Variants in CYP39A1 observed in about 807,000 individuals in gnomAD.
CYP39A1 encodes the protein 24-hydroxycholesterol 7-alpha-hydroxylase.
In CYP39A1, 49 loss-of-function variants were observed where a neutral mutation model predicts 58.1. The ratio of observed to expected loss-of-function variants is 0.84; its 90% CI spans 0.67 to 1.07. The LOEUF (loss-of-function observed/expected upper bound fraction) is 1.07, where lower values mean the gene tolerates loss of function less well. Ranked by LOEUF, CYP39A1 falls within the 50% of genes least tolerant of loss-of-function variation. The pLI, the probability that CYP39A1 is intolerant of heterozygous loss-of-function variation, is 0.00. For synonymous variants in CYP39A1, 209 were observed against 187.6 expected, an observed-to-expected ratio of 1.11 and a Z score of -0.93; for missense variants, 531 against 539.4, an observed-to-expected ratio of 0.98 and a Z score of 0.16.
In CYP39A1 at chr6:46,625,504, G is replaced by C; in HGVS notation, c.845C>G (p.Ala282Gly). Reference sequence around the variant, plus strand: ...AAGGACGTATGCAAGTGTCCAAAATGCAACCTTAAAAAGAAAAACATATAT... The same window carrying C: ...AAGGACGTATGCAAGTGTCCAAAATCCAACCTTAAAAAGAAAAACATATAT... ...WASLSNAVPV[A>G]FWTLAYVLSH... Residue 282 changes from alanine (A) to glycine (G), a missense_variant, in exon 7 of 12, where the codon GCA becomes GGA. By Grantham distance (60) the Ala-to-Gly change is moderately conservative. Transcript: ENST00000275016. 1 of 1,605,078 alleles carries C rather than the reference G, an allele frequency of 6.2e-7. No individual in the cohort carries two copies. Among genetic ancestry groups the C allele is most frequent in the Non-Finnish European group, 8.5e-7 (1 of 1,175,448 alleles).
rs76426783 is a variant in CYP39A1 at position 46,559,673 on chromosome 6, C to T, written c.1251-5819G>A. On this transcript the variant is annotated intron_variant, in intron 10 of 11. Coordinates refer to ENST00000275016, the MANE Select transcript of CYP39A1 (RefSeq NM_016593.5). ...ATTTTCAGTGCTGTGGGTGGTAGCACGTGGAGGAGCTGGGAGCTCAGCAAA... is the reference window on the plus strand; with the variant it reads ...ATTTTCAGTGCTGTGGGTGGTAGCATGTGGAGGAGCTGGGAGCTCAGCAAA... 7.6e-3 allele frequency among the ~76,000 whole-genome samples: 1,156 copies of T among 152,144 alleles called. 16 individuals carry two copies. Among genetic ancestry groups the T allele is most frequent in the African/African-American group, 0.026 (1,076 of 41,512 alleles).
At position 46,634,267 on chromosome 6, in the gene CYP39A1, G is replaced by A. The variant is rs148263342; in HGVS notation, c.732+2122C>T. ...TCTCCTTTTGCCTGCCACCATCCAT[G>A]TAAGATGTTACTTGATCCTCCTTGC... On this transcript the variant is annotated intron_variant, in intron 5 of 11. Coordinates refer to ENST00000275016, the MANE Select transcript of CYP39A1 (RefSeq NM_016593.5). Among the ~76,000 whole-genome samples the A allele has an allele frequency of 1.3e-3, 199 of 152,256 alleles. 1 individual carries two copies. The highest frequency in any genetic ancestry group is 4.6e-3 in the African/African-American group (191 of 41,546).
chr6:46,596,908 A>C (rs1301383565), intron 7 of CYP39A1, among the ~76,000 whole-genome samples: 1 of 152,138 alleles, frequency 6.6e-6, no homozygotes, highest in African/African-American at 2.4e-5. Context: ...TTTTGACAGT[A>C]TTTGCTTAAG....
In CYP39A1 at chr6:46,625,446, T is replaced by C. The variant is rs780493348; in HGVS notation, c.903A>G (p.Glu301=). 1 of 1,610,982 alleles carries C rather than the reference T, an allele frequency of 6.2e-7. No homozygotes were observed. Among genetic ancestry groups the C allele is most frequent in the Non-Finnish European group, 8.5e-7 (1 of 1,178,296 alleles). The part of the protein sequence containing the change: ...SHPDIHKAIM[E]GISSVFGKAG... ...CTTTGCCAAACACAGAAGATATGCC[T>C]TCCATAATGGCCTTGTGGATATCAG... is the stretch of plus-strand genomic sequence containing the variant. Residue 301 remains glutamate, a synonymous_variant, in exon 7 of 12, where the codon GAA becomes GAG. Transcript: ENST00000275016.
At chr6:46,593,234 G>A (rs778701411) in intron 8 of CYP39A1, among the ~76,000 whole-genome samples, 2 of 152,128 alleles carry the variant, frequency 1.3e-5, no homozygotes, top group Non-Finnish European at 2.9e-5. Context: ...TATTGTGCAT[G>A]CAAGAGTATA....
chr6:46,632,643 T>C (rs1582443647), intron 5 of CYP39A1, among the ~76,000 whole-genome samples: 1 of 152,142 alleles, frequency 6.6e-6, no homozygotes, highest in African/African-American at 2.4e-5. Flanking sequence ...GGGTCCAGTG[T>C]CTGTGGTTCC....
intron 10 of CYP39A1, among the ~76,000 whole-genome samples, chr6:46,556,237 G>A (rs139728848): frequency 1.6e-3 from 245 of 152,284 alleles, no homozygotes; most frequent in African/African-American, 5.7e-3. Flanking sequence ...TGATTGCTTC[G>A]GTTTCCTGCT....
intron 10 of CYP39A1, among the ~76,000 whole-genome samples, chr6:46,555,292 C>T (rs1770617026): frequency 6.6e-6 from 1 of 152,196 alleles, no homozygotes; most frequent in South Asian, 2.1e-4. Context: ...GATAACTGTC[C>T]TCCAGGCTGT....
intron 7 of CYP39A1, among the ~76,000 whole-genome samples, chr6:46,600,086 G>A (rs1007532448): frequency 6.6e-6 from 1 of 151,816 alleles, no homozygotes; most frequent in East Asian, 1.9e-4. Context: ...GCATCTTTTG[G>A]TATTCATACA....
intron 10 of CYP39A1, among the ~76,000 whole-genome samples, chr6:46,578,749 C>T (rs2150501003): frequency 6.6e-6 from 1 of 152,022 alleles, no homozygotes; most frequent in East Asian, 1.9e-4. Flanking sequence ...CAGGAAGAAA[C>T]TGAAATCCTG....
intron 7 of CYP39A1, among the ~76,000 whole-genome samples, chr6:46,611,011 A>G (rs980699683): frequency 3.3e-5 from 5 of 152,188 alleles, no homozygotes; most frequent in African/African-American, 9.7e-5. Flanking sequence ...AAAGCAAATA[A>G]TAAGCCTAGA....
At chr6:46,583,132 G>C in intron 10 of CYP39A1, 1 of 985,266 alleles carries the variant, frequency 1.0e-6, no homozygotes, top group Non-Finnish European at 1.2e-6. Flanking sequence ...CTATTCCTGA[G>C]GAATCCATGC....
chr6:46,592,075 G>A (rs1772869775), intron 8 of CYP39A1, among the ~76,000 whole-genome samples: 1 of 152,102 alleles, frequency 6.6e-6, no homozygotes, highest in Non-Finnish European at 1.5e-5. Flanking sequence ...AACACAGGTA[G>A]AAGTTTCAGA....
chr6:46,553,901 A>C (rs1369730456), intron 10 of CYP39A1, 47 bp from the exon 11 acceptor site: 3 of 1,194,162 alleles, frequency 2.5e-6, no homozygotes, highest in Non-Finnish European at 3.7e-6. Context: ...AAGATGTATA[A>C]ATATCTGCCA....
At chr6:46,609,233 G>A (rs1774051143) in intron 7 of CYP39A1, among the ~76,000 whole-genome samples, 1 of 151,482 alleles carries the variant, frequency 6.6e-6, no homozygotes, top group Admixed American at 6.6e-5. Context: ...AACCCCATCT[G>A]TGCTAAATAT....
At chr6:46,590,251 T>C (rs1297830035) in intron 8 of CYP39A1, among the ~76,000 whole-genome samples, 3 of 152,164 alleles carry the variant, frequency 2.0e-5, no homozygotes, top group Non-Finnish European at 4.4e-5. Context: ...AAGAACTGCA[T>C]CTCTCAGGTA....
At chr6:46,608,840 C>T (rs1252495928) in intron 7 of CYP39A1, among the ~76,000 whole-genome samples, 1 of 151,578 alleles carries the variant, frequency 6.6e-6, no homozygotes, top group African/African-American at 2.4e-5. Flanking sequence ...TCTCGAACTC[C>T]TGACCTCAGG....
At chr6:46,648,345 A>C (rs964667271) in intron 1 of CYP39A1, among the ~76,000 whole-genome samples, 1 of 152,070 alleles carries the variant, frequency 6.6e-6, no homozygotes, top group Non-Finnish European at 1.5e-5. Context: ...AAAAAGGATG[A>C]GTTCATGTCC....
chr6:46,630,617 T>A (rs1775600092), intron 6 of CYP39A1, among the ~76,000 whole-genome samples: 1 of 152,156 alleles, frequency 6.6e-6, no homozygotes, highest in African/African-American at 2.4e-5. Context: ...TCCCTATTCA[T>A]CTTTTCAATA....
Sources: gnomAD v4.1 joint callset for allele counts (sites outside exome capture counted in the v4.1 genomes callset) on GRCh38, gnomAD v4.1.1 for gene constraint, MANE v1.5 for transcripts, NCBI Gene and HGNC (gene_info 2026-07-23, HGNC 2026-07-21) for gene names.